NRG1: variants seen among roughly 807,000 people sequenced by gnomAD.
The protein encoded by NRG1 is neuregulin 1.
NRG1 carries 18 observed loss-of-function variants against 63.8 expected under a neutral mutation model. That is an observed-to-expected ratio of 0.28 (90% confidence interval 0.19 to 0.42). NRG1 has a LOEUF of 0.42. NRG1 is among the 10% of genes least tolerant of loss of function. The pLI is 1.00. For synonymous variants in NRG1, 302 were observed against 301.3 expected (o/e 1.00, Z -0.02); for missense variants, 762 against 814.7 (o/e 0.94, Z 0.79).
At chr8:32,433,156 G>A (rs1818365999) in intron 1 of NRG1, among the ~76,000 whole-genome samples, 1 of 152,080 alleles carries the variant, frequency 6.6e-6, no homozygotes, top group Admixed American at 6.6e-5. Context: ...GACATACTGG[G>A]GCCCTGTTTC....
chr8:32,457,832 C>T (rs1821794564), intron 1 of NRG1, among the ~76,000 whole-genome samples: 2 of 152,054 alleles, frequency 1.3e-5, no homozygotes, highest in Admixed American at 6.6e-5. Context: ...CATATACATG[C>T]TTATGGTTAC....
At chr8:31,733,008 G>T (rs1814257069) in intron 1 of NRG1, among the ~76,000 whole-genome samples, 1 of 152,060 alleles carries the variant, frequency 6.6e-6, no homozygotes, top group Non-Finnish European at 1.5e-5. Flanking sequence ...TTTATACTCT[G>T]TGTCCATGTG....
At chr8:32,386,657 A>C (rs1285835866) in intron 1 of NRG1, among the ~76,000 whole-genome samples, 1 of 152,248 alleles carries the variant, frequency 6.6e-6, no homozygotes, top group Non-Finnish European at 1.5e-5. Context: ...TTGAACACAT[A>C]AAATGTATTC....
chr8:32,058,914 G>A (rs1030200763), intron 1 of NRG1, among the ~76,000 whole-genome samples: 5 of 152,006 alleles, frequency 3.3e-5, no homozygotes, highest in African/African-American at 1.2e-4. Context: ...CACTCTTTCT[G>A]TGTTTAGATT....
chr8:32,522,941 A>G (rs1414557199), intron 1 of NRG1, among the ~76,000 whole-genome samples: 2 of 151,840 alleles, frequency 1.3e-5, no homozygotes, highest in African/African-American at 2.4e-5. Context: ...AGCTAGGACT[A>G]TAGGTGCCCA....
rs144731504 is a variant in NRG1 at position 32,700,607 on chromosome 8, C to T, written c.503-27342C>T. ...CCTGGTTTTGCTTGCCTCCACTAGT[C>T]GATATCTTGAGTTAATCTTGCACAT... is the stretch of plus-strand genomic sequence containing the variant. On this transcript the variant is annotated intron_variant, in intron 5 of 11. Transcript: ENST00000356819. Among the ~76,000 whole-genome samples, 1,266 of 152,106 alleles carry T rather than the reference C, an allele frequency of 8.3e-3. 12 individuals carry two copies. Among genetic ancestry groups the T allele is most frequent in the African/African-American group, 0.028 (1,176 of 41,490 alleles).
At chr8:32,717,574 A>G (rs1399131554) in intron 5 of NRG1, among the ~76,000 whole-genome samples, 1 of 152,160 alleles carries the variant, frequency 6.6e-6, no homozygotes, top group Non-Finnish European at 1.5e-5. Context: ...GCTCAAACCT[A>G]CTTTTACTGC....
intron 1 of NRG1, among the ~76,000 whole-genome samples, chr8:31,897,332 G>T (rs1831654084): frequency 6.6e-6 from 1 of 152,012 alleles, no homozygotes; most frequent in Non-Finnish European, 1.5e-5. Flanking sequence ...AAGGCAGACT[G>T]TTTATAGCAA....
At chr8:31,731,760 A>AT (rs1443389200) in intron 1 of NRG1, among the ~76,000 whole-genome samples, 2 of 152,230 alleles carry the variant, frequency 1.3e-5, no homozygotes, top group African/African-American at 4.8e-5. Context: ...CTAAGACTCT[A>AT]TATCAATATG....
chr8:31,790,310 T>C (rs1820578323), intron 1 of NRG1, among the ~76,000 whole-genome samples: 1 of 152,074 alleles, frequency 6.6e-6, no homozygotes, highest in African/African-American at 2.4e-5. Flanking sequence ...CTAAAACTAT[T>C]GAAGTAACAA....
intron 7 of NRG1, among the ~76,000 whole-genome samples, chr8:32,745,331 C>T (rs774580028): frequency 6.6e-6 from 1 of 152,070 alleles, no homozygotes; most frequent in Non-Finnish European, 1.5e-5. Flanking sequence ...GAGAAACATT[C>T]AAAACTTACC....
At chr8:31,805,734 A>T (rs962146244) in intron 1 of NRG1, among the ~76,000 whole-genome samples, 1 of 148,966 alleles carries the variant, frequency 6.7e-6, no homozygotes, top group Non-Finnish European at 1.5e-5. Context: ...AGTCTGAGGC[A>T]GGAGAATGGC....
At chr8:32,596,363 G>C (rs1843366387) in intron 2 of NRG1, among the ~76,000 whole-genome samples, 1 of 152,064 alleles carries the variant, frequency 6.6e-6, no homozygotes, top group East Asian at 1.9e-4. Context: ...CAGCTCTTTG[G>C]GAGGCCGAGG....
At chr8:32,770,860 G>T (rs150152203), downstream of NRG1, among the ~76,000 whole-genome samples, 1 of 152,082 alleles carries the variant, frequency 6.6e-6, no homozygotes, top group African/African-American at 2.4e-5. Context: ...AACACATAGC[G>T]AGTATTCAAA....
intron 1 of NRG1, among the ~76,000 whole-genome samples, chr8:32,515,365 A>G (rs374573147): frequency 6.6e-6 from 1 of 152,058 alleles, no homozygotes; most frequent in African/African-American, 2.4e-5. Context: ...AGTGATGTTG[A>G]GAATTTTTTT....
At chr8:32,018,627 CACT>C (rs2130148517) in intron 1 of NRG1, among the ~76,000 whole-genome samples, 1 of 152,078 alleles carries the variant, frequency 6.6e-6, no homozygotes, top group African/African-American at 2.4e-5. Flanking sequence ...TTTTATATTC[CACT>C]AAATGTATGA....
At chr8:32,119,355 T>C (rs1326884262) in intron 1 of NRG1, among the ~76,000 whole-genome samples, 1 of 152,112 alleles carries the variant, frequency 6.6e-6, no homozygotes, top group African/African-American at 2.4e-5. Flanking sequence ...CCTAATTCCA[T>C]AGCCTGGGTT....
At chr8:32,755,447 C>A (rs561901039) in intron 8 of NRG1, among the ~76,000 whole-genome samples, 6 of 152,134 alleles carry the variant, frequency 3.9e-5, no homozygotes, top group African/African-American at 1.4e-4. Context: ...TTGTCAATAT[C>A]CCATGATTTA....
intron 1 of NRG1, among the ~76,000 whole-genome samples, chr8:31,741,957 A>G (rs1316767446): frequency 6.6e-6 from 1 of 152,088 alleles, no homozygotes; most frequent in Non-Finnish European, 1.5e-5. Context: ...AGTAGGATAT[A>G]TAGATAAATC....
Sources: allele counts gnomAD v4.1 joint callset (sites outside exome capture counted in the v4.1 genomes callset), GRCh38; gene constraint gnomAD v4.1.1; transcripts MANE v1.5; gene names NCBI Gene and HGNC (gene_info 2026-07-23, HGNC 2026-07-21).